STK39: variants seen among roughly 807,000 people sequenced by gnomAD.
STK39 encodes the protein serine/threonine kinase 39.
Under a neutral mutation model 77.8 loss-of-function variants are expected in STK39, and 20 were observed. The observed-to-expected ratio is 0.26, with a 90% CI of 0.18 to 0.37. STK39 has a LOEUF of 0.37. STK39 is among the 10% of genes least tolerant of loss of function. The pLI is 1.00. For synonymous variants in STK39, 246 were observed against 234.1 expected (o/e 1.05, Z -0.47); for missense variants, 479 against 656.5 (o/e 0.73, Z 2.95).
chr2:168,245,263 C>T (rs1303589556), intron 1 of STK39, among the ~76,000 whole-genome samples: 1 of 152,228 alleles, frequency 6.6e-6, no homozygotes, highest in African/African-American at 2.4e-5. Context: ...GCTTCCTTCT[C>T]TTTCCTGGCA....
intron 12 of STK39, among the ~76,000 whole-genome samples, chr2:168,072,067 C>T (rs751485784): frequency 6.6e-6 from 1 of 151,918 alleles, no homozygotes; most frequent in African/African-American, 2.4e-5. Context: ...TAATACAATA[C>T]TATGTGCTGG....
At chr2:168,106,832 C>T (rs1185070338) in intron 10 of STK39, among the ~76,000 whole-genome samples, 1 of 152,048 alleles carries the variant, frequency 6.6e-6, no homozygotes, top group Non-Finnish European at 1.5e-5. Context: ...AAAGAAAAAA[C>T]ATTTATGTAG....
Position 168,153,971 on chromosome 2 carries a change from G to A in STK39, c.628+7816C>T, listed in dbSNP as rs554834633. Among the ~76,000 whole-genome samples the A allele has an allele frequency of 1.4e-4, 21 of 152,326 alleles. 1 individual carries two copies. Among genetic ancestry groups the A allele is most frequent in the African/African-American group, 3.1e-4 (13 of 41,580 alleles). The stretch of plus-strand genomic sequence containing the variant: ...GTTTAACAGCATTAATCCAGATGCC[G>A]TGTAGAGAACAGACCACAGAGGGGC... On this transcript the variant is annotated intron_variant, in intron 5 of 17. Coordinates refer to ENST00000355999, the MANE Select transcript of STK39 (RefSeq NM_013233.3).
rs374671773 is a variant in STK39, at chr2:168,079,189, C to A, written c.1090-3958G>T. Among the ~76,000 whole-genome samples the A allele has an allele frequency of 9.2e-5, 14 of 152,286 alleles. No homozygotes were observed. The South Asian group carries it at 2.9e-3, about 32-fold the overall frequency. On this transcript the variant is annotated intron_variant, in intron 10 of 17. Transcript: ENST00000355999. The stretch of plus-strand genomic sequence containing the variant: ...TGTCTCCATAGTTTATACTCTGACA[C>A]TGCTCCTCTCTGACCACCACCTCTC...
rs767658345 is a variant in STK39, at chr2:167,988,912, A to G, written c.1498+23722T>C. On this transcript the variant is annotated intron_variant, in intron 16 of 17. Coordinates refer to ENST00000355999, the MANE Select transcript of STK39 (RefSeq NM_013233.3). ...ATGGGAAGGGCAGCAACAATGATAGATCGAGAGCAATCAGTGACTGAGAGC... is the reference window on the plus strand; with the variant it reads ...ATGGGAAGGGCAGCAACAATGATAGGTCGAGAGCAATCAGTGACTGAGAGC... 2.6e-5 allele frequency among the ~76,000 whole-genome samples: 4 copies of G among 152,294 alleles called. No homozygotes were observed. The South Asian group carries it at 8.3e-4, about 32-fold the overall frequency.
intron 1 of STK39, among the ~76,000 whole-genome samples, chr2:168,223,255 A>T (rs1372102927): frequency 6.6e-6 from 1 of 152,130 alleles, no homozygotes; most frequent in Non-Finnish European, 1.5e-5. Flanking sequence ...CATGCCTATA[A>T]TCTCAGCACT....
chr2:168,202,604 G>A (rs528179357), intron 1 of STK39, among the ~76,000 whole-genome samples: 1 of 152,100 alleles, frequency 6.6e-6, no homozygotes, highest in Non-Finnish European at 1.5e-5. Flanking sequence ...GTCATTTACA[G>A]ATGGTTGGTC....
rs544002057 is a variant in STK39, at chr2:168,116,979, C to T, written c.1089+12562G>A. 4.6e-5 allele frequency among the ~76,000 whole-genome samples: 7 copies of T among 152,314 alleles called. No individual in the cohort carries two copies. The South Asian group carries it at 1.4e-3, about 32-fold the overall frequency. On this transcript the variant is annotated intron_variant, in intron 10 of 17. Transcript: ENST00000355999. ...AATGCAGCTTCAGGTAACAGGAAAA[C>T]GTATGTGCATCCTGGCTCAGAGAAG...
intron 14 of STK39, among the ~76,000 whole-genome samples, chr2:168,061,910 T>C (rs1367200245): frequency 1.3e-5 from 2 of 152,126 alleles, no homozygotes; most frequent in Non-Finnish European, 2.9e-5. Flanking sequence ...ATGCAGACAG[T>C]CTGATATTTG....
intron 2 of STK39, among the ~76,000 whole-genome samples, chr2:168,169,903 ATTC>A (rs1688781096): frequency 6.6e-6 from 1 of 151,946 alleles, no homozygotes. Context: ...TCAACCTCAC[ATTC>A]TTCTTCCATG....
In STK39 at chr2:168,049,704, T is replaced by G. The variant is rs140623741; in HGVS notation, c.1376+13796A>C. On this transcript the variant is annotated intron_variant, in intron 14 of 17. Coordinates refer to ENST00000355999, the MANE Select transcript of STK39 (RefSeq NM_013233.3). ...TGCCTTGCATATGAGTAGCAAGCAG[T>G]AAATGCTATCCATAATAGTAACTAT... Among the ~76,000 whole-genome samples, 8 of 152,362 alleles carry G rather than the reference T, an allele frequency of 5.3e-5. No homozygotes were observed. In the East Asian group the frequency reaches 1.5e-3, roughly 29 times the overall value.
intron 3 of STK39, among the ~76,000 whole-genome samples, chr2:168,164,295 G>A (rs1688645366): frequency 1.3e-5 from 2 of 152,194 alleles, no homozygotes; most frequent in African/African-American, 2.4e-5. Context: ...CACACTCTTT[G>A]AGGACCTAAA....
chr2:168,173,814 G>T (rs1688888443), intron 2 of STK39, among the ~76,000 whole-genome samples: 1 of 152,300 alleles, frequency 6.6e-6, no homozygotes, highest in African/African-American at 2.4e-5. Flanking sequence ...CTCCCAAAGT[G>T]CTGGGATTAC....
chr2:167,955,563 C>A lies in STK39; in HGVS notation c.1571G>T (p.Gly524Val), dbSNP rs1260602424. ...LKTLTFKLAS[G>V]CDGSEIPDEV... ...ATCAGGAATCTCCGACCCATCACAG[C>A]CAGAAGCCTGAAAAGGGAAAAAGAA... The change falls in exon 18 of 18, where the codon GGC becomes GTC. Residue 524 changes from glycine (G) to valine (V), a missense_variant. Transcript: ENST00000355999. 6.2e-7 allele frequency: 1 copy of A among 1,613,590 alleles called. No homozygotes were observed. Among genetic ancestry groups the A allele is most frequent in the Non-Finnish European group, 8.5e-7 (1 of 1,179,762 alleles).
chr2:168,158,726 G>A (rs1688497380), intron 5 of STK39, among the ~76,000 whole-genome samples: 1 of 152,204 alleles, frequency 6.6e-6, no homozygotes, highest in Non-Finnish European at 1.5e-5. Context: ...TTTCTCCTAT[G>A]TAAAATGGAT....
At chr2:168,067,095 G>A (rs968642417) in intron 12 of STK39, among the ~76,000 whole-genome samples, 2 of 152,276 alleles carry the variant, frequency 1.3e-5, no homozygotes, top group East Asian at 3.9e-4. Context: ...GGTGGTTTGC[G>A]CCTGTAGTCC....
At chr2:168,087,352 G>T (rs1323771961) in intron 10 of STK39, among the ~76,000 whole-genome samples, 1 of 152,216 alleles carries the variant, frequency 6.6e-6, no homozygotes, top group African/African-American at 2.4e-5. Flanking sequence ...TTGTCAGGTT[G>T]ACTGTGCTAG....
At chr2:167,991,770 T>TAGAGGAAAC (rs1163190609) in intron 16 of STK39, among the ~76,000 whole-genome samples, 3 of 152,146 alleles carry the variant, frequency 2.0e-5, no homozygotes, top group Non-Finnish European at 4.4e-5. Flanking sequence ...TCCCCTCCCT[T>TAGAGGAAAC]AGAGGAAACG....
At chr2:168,079,578 TC>T (rs1217511403) in intron 10 of STK39, among the ~76,000 whole-genome samples, 2 of 152,102 alleles carry the variant, frequency 1.3e-5, no homozygotes, top group African/African-American at 4.8e-5. Context: ...ACCCTGCCCC[TC>T]CAAGTGAAGC....
Sources: gnomAD v4.1 joint callset for allele counts (sites outside exome capture counted in the v4.1 genomes callset) on GRCh38, gnomAD v4.1.1 for gene constraint, MANE v1.5 for transcripts, NCBI Gene and HGNC (gene_info 2026-07-23, HGNC 2026-07-21) for gene names.